Variants in KCNIP3 observed in about 807,000 individuals in gnomAD.
KCNIP3 encodes potassium voltage-gated channel interacting protein 3, also known as calsenilin.
Under a neutral mutation model 35.0 loss-of-function variants are expected in KCNIP3, and 28 were observed. The observed-to-expected ratio is 0.80, with a 90% CI of 0.59 to 1.10. The LOEUF is 1.10. KCNIP3 is among the 50% of genes least tolerant of loss of function. The pLI, the probability that KCNIP3 is intolerant of heterozygous loss-of-function variation, is 0.00. For missense variants in KCNIP3, 295 were observed against 338.4 expected, an observed-to-expected ratio of 0.87 and a Z score of 1.01; for synonymous variants, 134 against 133.8, an observed-to-expected ratio of 1.00 and a Z score of -0.01.
At chr2:95,383,883 A>G (rs1680415284) in intron 8 of KCNIP3, 119 bp from the exon 9 acceptor site, 3 of 878,968 alleles carry the variant, frequency 3.4e-6, no homozygotes, top group Non-Finnish European at 5.8e-6. Context: ...CCTGCACCCA[A>G]TAAGACAGAC....
rs1431635738 is a variant in KCNIP3, at chr2:95,374,405, C to T, written c.291C>T (p.Tyr97=). 2.5e-6 allele frequency: 4 copies of T among 1,614,030 alleles called. No homozygotes were observed. In the Admixed American group the frequency reaches 5.0e-5, roughly 20 times the overall value. Residue 97 remains tyrosine (Y), a synonymous_variant, in exon 3 of 9, where the codon TAC becomes TAT. Coordinates refer to ENST00000295225, the MANE Select transcript of KCNIP3 (RefSeq NM_013434.5). ...CCAAGAAGGAGCTGCAGTCTCTCTA[C>T]AGGGGCTTTAAGAATGTGAGTGTTC... ...KFTKKELQSL[Y]RGFKNECPTG...
intron 2 of KCNIP3, among the ~76,000 whole-genome samples, chr2:95,349,097 G>GC (rs1401371093): frequency 1.3e-5 from 2 of 148,658 alleles, no homozygotes; most frequent in Non-Finnish European, 3.0e-5. Context: ...ACCCCCCCCC[G>GC]CCCCCCGTCA....
At chr2:95,350,448 A>T (rs1233650189) in intron 2 of KCNIP3, among the ~76,000 whole-genome samples, 1 of 152,088 alleles carries the variant, frequency 6.6e-6, no homozygotes, top group Non-Finnish European at 1.5e-5. Flanking sequence ...CAGCTCGGGG[A>T]GGATTTGTTA....
chr2:95,374,648 T>A (rs1680128003), intron 3 of KCNIP3, among the ~76,000 whole-genome samples, 200 bp from the exon 4 acceptor site: 1 of 152,236 alleles, frequency 6.6e-6, no homozygotes, highest in Admixed American at 6.5e-5. Flanking sequence ...GGGGGAGCAG[T>A]CACCCCCTTC....
At chr2:95,333,419 C>T (rs900141204) in intron 2 of KCNIP3, among the ~76,000 whole-genome samples, 3 of 152,218 alleles carry the variant, frequency 2.0e-5, no homozygotes, top group Admixed American at 2.0e-4. Context: ...GCCATTCTAC[C>T]ACTACTGCTG....
intron 2 of KCNIP3, among the ~76,000 whole-genome samples, chr2:95,364,844 A>C (rs753375844): frequency 6.6e-6 from 1 of 152,142 alleles, no homozygotes; most frequent in Non-Finnish European, 1.5e-5. Context: ...TTTCTTTATA[A>C]ATAATGCAGT....
intron 2 of KCNIP3, among the ~76,000 whole-genome samples, chr2:95,370,836 T>A (rs1680024969): frequency 6.6e-6 from 1 of 152,144 alleles, no homozygotes; most frequent in Non-Finnish European, 1.5e-5. Flanking sequence ...CTCTGCTCAC[T>A]GCAATCTCCA....
At chr2:95,308,645 T>A (rs1178363475) in intron 1 of KCNIP3, among the ~76,000 whole-genome samples, 1 of 152,062 alleles carries the variant, frequency 6.6e-6, no homozygotes, top group Non-Finnish European at 1.5e-5. Context: ...GCCCTGTCGC[T>A]GGGCTCTGTG....
chr2:95,369,470 G>A (rs368873944), intron 2 of KCNIP3, among the ~76,000 whole-genome samples: 30 of 152,222 alleles, frequency 2.0e-4, no homozygotes, highest in African/African-American at 7.0e-4. Flanking sequence ...AATTTTTCAG[G>A]AATTGGTCCA....
At chr2:95,306,652 G>A (rs1407771257) in intron 1 of KCNIP3, among the ~76,000 whole-genome samples, 1 of 152,164 alleles carries the variant, frequency 6.6e-6, no homozygotes, top group Non-Finnish European at 1.5e-5. Flanking sequence ...GCGGTGGTGT[G>A]GGAGCAGACT....
chr2:95,370,352 A>G (rs530619865), intron 2 of KCNIP3, among the ~76,000 whole-genome samples: 1 of 152,336 alleles, frequency 6.6e-6, no homozygotes. Context: ...TGACTTTGTC[A>G]TTGGGTCTAG....
intron 2 of KCNIP3, among the ~76,000 whole-genome samples, chr2:95,369,062 A>G (rs1043137974): frequency 6.6e-6 from 1 of 151,848 alleles, no homozygotes; most frequent in East Asian, 1.9e-4. Flanking sequence ...CTTGGGGGGG[A>G]AACATTCTGT....
At chr2:95,347,143 C>T in intron 2 of KCNIP3, 3 of 1,585,934 alleles carry the variant, frequency 1.9e-6, no homozygotes, top group Non-Finnish European at 2.6e-6. Flanking sequence ...GCCACTTGCC[C>T]CTTCGCCGCC....
In KCNIP3 at chr2:95,374,344, A is replaced by C; in HGVS notation, c.230A>C (p.Glu77Ala). Residue 77 changes from glutamate to alanine, a missense_variant, in exon 3 of 9, where the codon GAG becomes GCG. By Grantham distance (107) the Glu-to-Ala change is moderately radical. Transcript: ENST00000295225. ...CTGTCCACGGTGCGCCACCAGCCAG[A>C]GGGGCTGGACCAGCTGCAGGCCCAG... is the stretch of plus-strand genomic sequence containing the variant. Reference protein sequence around the residue: ...LELSTVRHQPEGLDQLQAQTK... With the variant: ...LELSTVRHQPAGLDQLQAQTK... The C allele has an allele frequency of 1.2e-6, 2 of 1,614,074 alleles. No individual in the cohort carries two copies. Among genetic ancestry groups the C allele is most frequent in the Non-Finnish European group, 1.7e-6 (2 of 1,179,936 alleles).
At chr2:95,341,481 C>A (rs1040347237) in intron 2 of KCNIP3, among the ~76,000 whole-genome samples, 4 of 152,200 alleles carry the variant, frequency 2.6e-5, no homozygotes, top group African/African-American at 9.7e-5. Flanking sequence ...GATAGCTGGG[C>A]TCCCTTGGTG....
intron 2 of KCNIP3, among the ~76,000 whole-genome samples, chr2:95,359,173 T>G (rs535141777): frequency 1.4e-4 from 21 of 152,290 alleles, no homozygotes; most frequent in African/African-American, 4.8e-4. Flanking sequence ...CTTAGCTCAT[T>G]CCAGCAGCAA....
chr2:95,351,379 G>A (rs778233042), intron 2 of KCNIP3, among the ~76,000 whole-genome samples: 18 of 152,260 alleles, frequency 1.2e-4, no homozygotes, highest in Non-Finnish European at 2.1e-4. Context: ...CAGCCATTTA[G>A]GAGGGAGACA....
chr2:95,332,669 C>T (rs924231365), intron 2 of KCNIP3, among the ~76,000 whole-genome samples: 1 of 152,206 alleles, frequency 6.6e-6, no homozygotes, highest in Non-Finnish European at 1.5e-5. Flanking sequence ...TGTGGGCAAA[C>T]ACATTTGGGG....
intron 2 of KCNIP3, among the ~76,000 whole-genome samples, chr2:95,343,481 T>G (rs1220724736): frequency 6.6e-6 from 1 of 152,160 alleles, no homozygotes; most frequent in Non-Finnish European, 1.5e-5. Context: ...ACTGGACCAG[T>G]GTGCTGAGCT....
Sources: gnomAD v4.1 joint callset for allele counts (sites outside exome capture counted in the v4.1 genomes callset) on GRCh38, gnomAD v4.1.1 for gene constraint, MANE v1.5 for transcripts, NCBI Gene and HGNC (gene_info 2026-07-23, HGNC 2026-07-21) for gene names.